SIPA1L1: variants seen among roughly 807,000 people sequenced by gnomAD.
The protein encoded by SIPA1L1 is signal-induced proliferation-associated 1-like protein 1.
SIPA1L1 carries 26 observed loss-of-function variants against 162.7 expected under a neutral mutation model. That is an observed-to-expected ratio of 0.16 (90% CI 0.12 to 0.22). The LOEUF (loss-of-function observed/expected upper bound fraction) is 0.22, where lower values mean the gene tolerates loss of function less well. Ranked by LOEUF, SIPA1L1 falls within the 10% of genes least tolerant of loss-of-function variation. The pLI is 1.00. For synonymous variants in SIPA1L1, 829 were observed against 837.4 expected (o/e 0.99, Z 0.17); for missense variants, 1,874 against 2,241.0 (o/e 0.84, Z 3.31).
At chr14:71,508,324 G>A (rs1048111420) in intron 2 of SIPA1L1, among the ~76,000 whole-genome samples, 1 of 152,124 alleles carries the variant, frequency 6.6e-6, no homozygotes, top group African/African-American at 2.4e-5. Flanking sequence ...TTTAAGTTTG[G>A]TATGTTACTA....
intron 5 of SIPA1L1, among the ~76,000 whole-genome samples, chr14:71,603,924 T>A (rs1396638179): frequency 2.1e-5 from 3 of 145,742 alleles, no homozygotes; most frequent in Non-Finnish European, 3.0e-5. Context: ...TATATAAATA[T>A]ATATATATTT....
Position 71,343,103 on chromosome 14 carries a change from C to T in SIPA1L1, c.-465+21922C>T, listed in dbSNP as rs145076884. 1.1e-4 allele frequency among the ~76,000 whole-genome samples: 16 copies of T among 152,280 alleles called. No homozygotes were observed. The East Asian group carries it at 3.1e-3, about 29-fold the overall frequency. The stretch of plus-strand genomic sequence containing the variant: ...GGTTTACCATTGCAACAATAAATCA[C>T]CTTGATTGGTTCACCTTGACTTCAC... On this transcript the variant is annotated intron_variant, in intron 2 of 23. Transcript: ENST00000381232.
At chr14:71,467,921 A>G (rs940757076) in intron 2 of SIPA1L1, among the ~76,000 whole-genome samples, 3 of 151,980 alleles carry the variant, frequency 2.0e-5, no homozygotes, top group Non-Finnish European at 4.4e-5. Context: ...ATCTTGGGAA[A>G]GTATATATAA....
At chr14:71,593,321 C>T (rs2035633420) in intron 5 of SIPA1L1, among the ~76,000 whole-genome samples, 4 of 152,102 alleles carry the variant, frequency 2.6e-5, no homozygotes, top group South Asian at 2.1e-4. Flanking sequence ...AAGCGATTCT[C>T]GTGCCTCAGC....
chr14:71,651,660 C>T (rs990628724), intron 8 of SIPA1L1, among the ~76,000 whole-genome samples: 5 of 152,142 alleles, frequency 3.3e-5, no homozygotes, highest in Admixed American at 2.6e-4. Context: ...TAAATTATCA[C>T]TACCACAAAC....
At chr14:71,333,354 A>G (rs1221738274) in intron 2 of SIPA1L1, among the ~76,000 whole-genome samples, 1 of 152,178 alleles carries the variant, frequency 6.6e-6, no homozygotes, top group Non-Finnish European at 1.5e-5. Flanking sequence ...TTAAGCAGGT[A>G]TTTGCTCATG....
chr14:71,623,407 C>T (rs1005104741), intron 6 of SIPA1L1, among the ~76,000 whole-genome samples: 2 of 152,088 alleles, frequency 1.3e-5, no homozygotes, highest in Non-Finnish European at 2.9e-5. Context: ...AACATCATTA[C>T]GTAGGAAAAT....
intron 2 of SIPA1L1, among the ~76,000 whole-genome samples, chr14:71,389,700 A>C (rs1389025133): frequency 6.6e-6 from 1 of 152,158 alleles, no homozygotes; most frequent in Non-Finnish European, 1.5e-5. Context: ...CATACTTCTC[A>C]ACTTTTTAAT....
intron 13 of SIPA1L1, among the ~76,000 whole-genome samples, chr14:71,695,703 C>T (rs1301267006): frequency 1.3e-5 from 2 of 152,158 alleles, no homozygotes; most frequent in East Asian, 1.9e-4. Flanking sequence ...GTTAACATTC[C>T]ACTGCTGTCT....
In SIPA1L1 at chr14:71,377,570, G is replaced by C. The variant is rs1040677439; in HGVS notation, c.-465+56389G>C. ...CAGAGACGCTCCTCACTTCCTACAC[G>C]GGGTGGCGGCCGGGCAGAGGCTGCA... On this transcript the variant is annotated intron_variant, in intron 2 of 23. Transcript: ENST00000381232. This position sits in a 1 kb window ranked among gnomAD's most constrained non-coding sequence, Gnocchi z 4.8. Among the ~76,000 whole-genome samples, 17 of 152,314 alleles carry C rather than the reference G, an allele frequency of 1.1e-4. No individual in the cohort carries two copies. Among genetic ancestry groups the C allele is most frequent in the African/African-American group, 3.8e-4 (16 of 41,578 alleles).
chr14:71,509,056 T>C (rs531430074), intron 2 of SIPA1L1, among the ~76,000 whole-genome samples: 1 of 152,322 alleles, frequency 6.6e-6, no homozygotes, highest in East Asian at 1.9e-4. Flanking sequence ...CATGGTTAGT[T>C]ATTCCTGGAT....
chr14:71,441,134 G>A (rs2044819750), intron 2 of SIPA1L1, among the ~76,000 whole-genome samples: 1 of 152,192 alleles, frequency 6.6e-6, no homozygotes, highest in Non-Finnish European at 1.5e-5. Flanking sequence ...ACCTTGGTGA[G>A]TTCATGGCTT....
At chr14:71,353,854 G>A (rs1177960450) in intron 2 of SIPA1L1, among the ~76,000 whole-genome samples, 1 of 151,882 alleles carries the variant, frequency 6.6e-6, no homozygotes, top group Admixed American at 6.6e-5. Flanking sequence ...AGTTGGAGAC[G>A]GGCAGAAGGT....
intron 15 of SIPA1L1, among the ~76,000 whole-genome samples, 187 bp downstream of exon 15, chr14:71,702,692 A>G (rs1321414268): frequency 6.6e-6 from 1 of 152,226 alleles, no homozygotes; most frequent in Non-Finnish European, 1.5e-5. Context: ...AAGGAATTCT[A>G]AGTGACCCCA....
In SIPA1L1 at chr14:71,739,028, A is replaced by C; in HGVS notation, c.5219A>C (p.Asp1740Ala). The change falls in exon 24 of 24, where the codon GAC becomes GCC. Residue 1740 changes from aspartate (D) to alanine (A), a missense_variant. Asp to Ala is a moderately radical substitution (Grantham distance 126, BLOSUM62 -2). Coordinates refer to ENST00000381232, the MANE Select transcript of SIPA1L1 (RefSeq NM_001386936.1). ...CACTCTGCCTCCCAGGAAAAAGAAGACAAAGCTCACCTTCAGGCGGAGGTG... is the reference window on the plus strand; with the variant it reads ...CACTCTGCCTCCCAGGAAAAAGAAGCCAAAGCTCACCTTCAGGCGGAGGTG... ...LREDLKKEKE[D>A]KAHLQAEVQH... is the part of the protein sequence containing the mutation. 5.0e-6 allele frequency: 8 copies of C among 1,613,522 alleles called. No individual in the cohort carries two copies. The highest frequency in any genetic ancestry group is 6.8e-6 in the Non-Finnish European group (8 of 1,179,652).
chr14:71,558,500 T>C (rs1263207134), intron 4 of SIPA1L1, among the ~76,000 whole-genome samples: 1 of 152,182 alleles, frequency 6.6e-6, no homozygotes, highest in African/African-American at 2.4e-5. Context: ...TAAAGAGCCT[T>C]AGCTAACCAC....
intron 2 of SIPA1L1, among the ~76,000 whole-genome samples, chr14:71,408,617 C>T (rs544212375): frequency 1.3e-5 from 2 of 152,172 alleles, no homozygotes; most frequent in Non-Finnish European, 2.9e-5. Context: ...TGTGCCTCCA[C>T]CCCCTTTCCC....
In SIPA1L1 at chr14:71,685,342, C is replaced by G; in HGVS notation, c.3105-20C>G. 1.2e-6 allele frequency: 2 copies of G among 1,612,506 alleles called. No individual in the cohort carries two copies. The highest frequency in any genetic ancestry group is 2.2e-5 in the South Asian group (2 of 90,902). ...AAAGCAGTATCCATTGTGTTTCTCC[C>G]TGTGCCTTGCCCCTAATAGGAGTTG... is the stretch of plus-strand genomic sequence containing the variant. On this transcript the variant is annotated intron_variant, in intron 12 of 23. Transcript: ENST00000381232.
intron 2 of SIPA1L1, among the ~76,000 whole-genome samples, chr14:71,405,840 C>T (rs2041992483): frequency 1.3e-5 from 2 of 152,188 alleles, no homozygotes; most frequent in Admixed American, 6.5e-5. Flanking sequence ...AACTTGTTAT[C>T]TCACATGTAG....
Sources: allele counts gnomAD v4.1 joint callset (sites outside exome capture counted in the v4.1 genomes callset), GRCh38; gene constraint gnomAD v4.1.1; non-coding constraint Gnocchi (gnomAD v3.1); transcripts MANE v1.5; gene names NCBI Gene and HGNC (gene_info 2026-07-23, HGNC 2026-07-21).